SULT2A1: variants seen among roughly 807,000 people sequenced by gnomAD.
SULT2A1 encodes the protein sulfotransferase 2A1.
A neutral mutation model predicts 33.9 loss-of-function variants in SULT2A1; 43 were observed. The observed-to-expected ratio is 1.27, with a 90% CI of 1.00 to 1.64. SULT2A1 has a LOEUF of 1.64. SULT2A1 is among the 40% of genes most tolerant of loss of function. The pLI, the probability that SULT2A1 is intolerant of heterozygous loss-of-function variation, is 0.00. For synonymous variants in SULT2A1, 125 were observed against 113.6 expected, an observed-to-expected ratio of 1.10 and a Z score of -0.64; for missense variants, 300 against 335.1, an observed-to-expected ratio of 0.90 and a Z score of 0.82.
At chr19:47,885,758 C>G (rs1568641485) in intron 1 of SULT2A1, among the ~76,000 whole-genome samples, 1 of 152,160 alleles carries the variant, frequency 6.6e-6, no homozygotes, top group East Asian at 1.9e-4. Flanking sequence ...GAAAATAGCC[C>G]TCCCCCCAAG....
chr19:47,877,243 T>C (rs1968555278), intron 4 of SULT2A1, among the ~76,000 whole-genome samples: 2 of 137,498 alleles, frequency 1.5e-5, no homozygotes, highest in African/African-American at 5.9e-5. Context: ...GGTCAAGTTC[T>C]TTTTTTTTTT....
rs1968624053 is a variant in SULT2A1 at position 47,883,649 on chromosome 19, C to T, written c.273G>A (p.Glu91=). The change falls in exon 2 of 6, where the codon GAG becomes GAA. Residue 91 remains glutamate, a synonymous_variant. Coordinates refer to ENST00000222002, the MANE Select transcript of SULT2A1 (RefSeq NM_003167.4). ...GGTGGGAGGAGAATAAACGTGGACT[C>T]TCCGTTTCACTGAGTGCTGTATACC... ...EIGYTALSET[E]SPRLFSSHLP... is the part of the protein sequence containing the mutation. The T allele has an allele frequency of 3.1e-6, 5 of 1,614,080 alleles. No individual in the cohort carries two copies. Among genetic ancestry groups the T allele is most frequent in the Non-Finnish European group, 3.4e-6 (4 of 1,180,024 alleles).
chr19:47,878,912 C>T, intron 4 of SULT2A1, 124 bp downstream of exon 4: 2 of 732,100 alleles, frequency 2.7e-6, no homozygotes. Flanking sequence ...CTCTTTGTGA[C>T]TCTTCACCAG....
At chr19:47,875,119 G>A (rs1177400857) in intron 4 of SULT2A1, among the ~76,000 whole-genome samples, 3 of 125,100 alleles carry the variant, frequency 2.4e-5, no homozygotes, top group Admixed American at 1.9e-4. Context: ...CTGAGATCAC[G>A]CCACTGCACT....
intron 5 of SULT2A1, among the ~76,000 whole-genome samples, chr19:47,872,455 C>T (rs1968502063): frequency 6.6e-6 from 1 of 152,124 alleles, no homozygotes; most frequent in Non-Finnish European, 1.5e-5. Context: ...CTGATTCTGC[C>T]TCAAACGTGG....
chr19:47,884,234 C>T (rs1239953164), intron 1 of SULT2A1, among the ~76,000 whole-genome samples: 6 of 150,564 alleles, frequency 4.0e-5, no homozygotes, highest in East Asian at 2.0e-4. Context: ...TGCAATGGCA[C>T]GATCTCAGTT....
At chr19:47,880,588 T>C (rs1453900103) in intron 3 of SULT2A1, among the ~76,000 whole-genome samples, 1 of 147,902 alleles carries the variant, frequency 6.8e-6, no homozygotes, top group Non-Finnish European at 1.5e-5. Context: ...ATTATTATTA[T>C]TATTATTATT....
At chr19:47,874,234 G>A (rs929985103) in intron 5 of SULT2A1, among the ~76,000 whole-genome samples, 3 of 152,082 alleles carry the variant, frequency 2.0e-5, no homozygotes, top group Non-Finnish European at 2.9e-5. Context: ...TGTTCTGGGC[G>A]ATGAGCAATT....
intron 3 of SULT2A1, 25 bp downstream of exon 3, chr19:47,882,059 C>A (rs772284933): frequency 1.2e-6 from 2 of 1,612,020 alleles, no homozygotes; most frequent in East Asian, 2.2e-5. Flanking sequence ...ACTCCAAGCA[C>A]CCCCATATTT....
intron 4 of SULT2A1, among the ~76,000 whole-genome samples, chr19:47,878,651 G>A (rs1207969214): frequency 6.6e-6 from 1 of 151,778 alleles, no homozygotes; most frequent in Admixed American, 6.6e-5. Flanking sequence ...CGAGTAGCTG[G>A]GATTACAGGC....
rs543000704 is a variant in SULT2A1 at position 47,878,276 on chromosome 19, A to G, written c.567+760T>C. On this transcript the variant is annotated intron_variant, in intron 4 of 5. Transcript: ENST00000222002. Reference sequence around the variant, plus strand: ...ACTGCAGCCTTGAATTCATGGGCTCAAGTAATTCCCCTGGCCTCGGCTTCC... The same window carrying G: ...ACTGCAGCCTTGAATTCATGGGCTCGAGTAATTCCCCTGGCCTCGGCTTCC... Among the ~76,000 whole-genome samples, 323 of 151,908 alleles carry G rather than the reference A, an allele frequency of 2.1e-3. 4 individuals are homozygous for G. Among genetic ancestry groups the G allele is most frequent in the Non-Finnish European group, 5.9e-4 (40 of 67,964 alleles).
intron 4 of SULT2A1, among the ~76,000 whole-genome samples, chr19:47,877,459 C>T (rs767045200): frequency 3.2e-4 from 48 of 151,718 alleles, no homozygotes; most frequent in Admixed American, 1.2e-3. Context: ...AGGCTGGTAT[C>T]GAACTCCTGA....
intron 5 of SULT2A1, 122 bp downstream of exon 5, chr19:47,874,535 A>C (rs888440831): frequency 1.4e-6 from 1 of 720,224 alleles, no homozygotes; most frequent in African/African-American, 2.7e-5. Context: ...GCAAGACTTC[A>C]TCTCGGAAAA....
rs2547242 is a variant in SULT2A1, at chr19:47,875,848, T to C, written c.568-1014A>G. ...AGGTTCAGGGAGAATCTGATGGAGA[T>C]TGAAGGCTTGATTTCAAATCCTGGC... On this transcript the variant is annotated intron_variant, in intron 4 of 5. Coordinates refer to ENST00000222002, the MANE Select transcript of SULT2A1 (RefSeq NM_003167.4). Among the ~76,000 whole-genome samples the C allele has an allele frequency of 6.3e-3, 966 of 152,258 alleles. 24 individuals carry two copies. The East Asian group carries it at 0.071, about 11-fold the overall frequency.
At chr19:47,879,393 A>G (rs930274624) in intron 3 of SULT2A1, among the ~76,000 whole-genome samples, 14 of 152,166 alleles carry the variant, frequency 9.2e-5, no homozygotes, top group African/African-American at 3.1e-4. Flanking sequence ...GGTAATTCAC[A>G]AAGGAAAGTG....
chr19:47,880,168 C>T (rs1207224984), intron 3 of SULT2A1, among the ~76,000 whole-genome samples: 14 of 125,618 alleles, frequency 1.1e-4, no homozygotes, highest in African/African-American at 3.9e-4. Flanking sequence ...ACCTGGGAGG[C>T]GGAGCTTGCA....
chr19:47,883,960 G>A (rs1481252309), intron 1 of SULT2A1, among the ~76,000 whole-genome samples, 175 bp from the exon 2 acceptor site: 1 of 151,522 alleles, frequency 6.6e-6, no homozygotes, highest in Non-Finnish European at 1.5e-5. Context: ...ACAAAAATTA[G>A]CCAGGTATGG....
At chr19:47,884,265 G>A (rs558345774) in intron 1 of SULT2A1, among the ~76,000 whole-genome samples, 5 of 151,006 alleles carry the variant, frequency 3.3e-5, no homozygotes, top group African/African-American at 1.2e-4. Context: ...TGTGCATCCC[G>A]GGTTCATGCC....
chr19:47,875,384 T>A (rs1274708767), intron 4 of SULT2A1, among the ~76,000 whole-genome samples: 4 of 151,966 alleles, frequency 2.6e-5, no homozygotes, highest in Non-Finnish European at 5.9e-5. Context: ...CTGCCTGTAA[T>A]TCCAGCACTT....
Sources: gnomAD v4.1 joint callset for allele counts (sites outside exome capture counted in the v4.1 genomes callset) on GRCh38, gnomAD v4.1.1 for gene constraint, MANE v1.5 for transcripts, NCBI Gene and HGNC (gene_info 2026-07-23, HGNC 2026-07-21) for gene names.